Variants in NPM2 observed in about 807,000 individuals in gnomAD.
The protein encoded by NPM2 is nucleophosmin/nucleoplasmin 2.
In NPM2, 25 loss-of-function variants were observed where a neutral mutation model predicts 32.0. The ratio of observed to expected loss-of-function variants is 0.78; its 90% CI spans 0.57 to 1.09. NPM2 has a LOEUF of 1.09. Ranked by LOEUF, NPM2 falls within the 50% of genes least tolerant of loss-of-function variation. The pLI, the probability that NPM2 is intolerant of heterozygous loss-of-function variation, is 0.00. For synonymous variants in NPM2, 111 were observed against 94.2 expected, an observed-to-expected ratio of 1.18 and a Z score of -1.04; for missense variants, 282 against 259.9, an observed-to-expected ratio of 1.08 and a Z score of -0.58.
rs1800641391 is a variant in NPM2, at chr8:22,036,818, T to C, written c.*136T>C. ...GTTGCGGGGGCAACATGAGAGCCCC[T>C]CACCCCCAACTCTCCACTTTCAGGA... On this transcript the variant is annotated 3_prime_UTR_variant, in exon 10 of 10. Coordinates refer to ENST00000518119, the MANE Select transcript of NPM2 (RefSeq NM_001286680.2). 2 of 845,010 alleles carry C rather than the reference T, an allele frequency of 2.4e-6. No homozygotes were observed. The highest frequency in any genetic ancestry group is 4.0e-5 in the South Asian group (2 of 49,454). The allele number at this position is 845,010 out of a possible 1,614,324, so 52.3% of individuals were successfully genotyped here. A position where few individuals can be genotyped will look rare whatever the true frequency, so the allele number is the denominator to read the frequency against.
intron 8 of NPM2, among the ~76,000 whole-genome samples, chr8:22,034,831 G>A (rs1800567302): frequency 6.6e-6 from 1 of 152,256 alleles, no homozygotes; most frequent in Non-Finnish European, 1.5e-5. Flanking sequence ...CTCACGGCCA[G>A]GCTTGGTGGC....
intron 5 of NPM2, 74 bp downstream of exon 5, chr8:22,025,846 G>A: frequency 3.1e-6 from 5 of 1,596,826 alleles, no homozygotes. Context: ...GGACACACAC[G>A]AGGGTGCATT....
At chr8:22,033,018 G>T in intron 5 of NPM2, 112 bp from the exon 6 acceptor site, 1 of 766,774 alleles carries the variant, frequency 1.3e-6, no homozygotes. Context: ...CAGGGGCTGA[G>T]TAGTGTGTAG....
chr8:22,032,664 C>T (rs1200293109), intron 5 of NPM2, among the ~76,000 whole-genome samples: 8 of 152,210 alleles, frequency 5.3e-5, no homozygotes, highest in Middle Eastern at 3.4e-3. Flanking sequence ...GAGTTGCAGA[C>T]GGCAGCCTTC....
chr8:22,036,705 G>C lies in NPM2; in HGVS notation c.*23G>C, dbSNP rs931044155. 1.9e-5 allele frequency: 29 copies of C among 1,539,978 alleles called. No homozygotes were observed. Among genetic ancestry groups the C allele is most frequent in the Non-Finnish European group, 2.5e-5 (29 of 1,144,178 alleles). ...TGAGGAGCCACGCCTTGGGGGGCAC[G>C]GTGCAAAGTGGGCCTTCCCTGGGCT... On this transcript the variant is annotated 3_prime_UTR_variant, in exon 10 of 10. Transcript: ENST00000518119.
chr8:22,036,056 T>A (rs887724243), intron 8 of NPM2, among the ~76,000 whole-genome samples: 14 of 152,128 alleles, frequency 9.2e-5, no homozygotes, highest in African/African-American at 3.1e-4. Flanking sequence ...ATTTGCTATA[T>A]TTTGTACAAA....
At chr8:22,034,738 T>G (rs1800563616) in intron 8 of NPM2, among the ~76,000 whole-genome samples, 194 bp downstream of exon 8, 1 of 152,222 alleles carries the variant, frequency 6.6e-6, no homozygotes. Context: ...CGTTCTTATC[T>G]TGGGATCTAA....
chr8:22,025,010 C>T (rs1415226720), intron 2 of NPM2, 180 bp downstream of exon 2: 2 of 541,246 alleles, frequency 3.7e-6, no homozygotes, highest in Non-Finnish European at 6.4e-6. Flanking sequence ...CTGTCCTGTA[C>T]GCGCCCGGTC....
At chr8:22,027,652 G>A (rs1484553089) in intron 5 of NPM2, among the ~76,000 whole-genome samples, 6 of 150,634 alleles carry the variant, frequency 4.0e-5, no homozygotes, top group Non-Finnish European at 4.4e-5. Context: ...TATCACCCAG[G>A]CTGGAGTGCA....
At chr8:22,031,906 C>G (rs901838990) in intron 5 of NPM2, among the ~76,000 whole-genome samples, 4 of 152,108 alleles carry the variant, frequency 2.6e-5, no homozygotes, top group Admixed American at 2.6e-4. Flanking sequence ...TTTTTATGTA[C>G]GAGGATTCTT....
chr8:22,028,792 A>G (rs895773941), intron 5 of NPM2, among the ~76,000 whole-genome samples: 1 of 152,046 alleles, frequency 6.6e-6, no homozygotes, highest in Non-Finnish European at 1.5e-5. Flanking sequence ...GGTGTGTTTT[A>G]TGTCTTATGT....
At chr8:22,032,030 G>T (rs1244445235) in intron 5 of NPM2, among the ~76,000 whole-genome samples, 1 of 152,142 alleles carries the variant, frequency 6.6e-6, no homozygotes, top group Non-Finnish European at 1.5e-5. Context: ...TTTGAACTTA[G>T]AGTTTAGAAG....
chr8:22,029,404 A>G (rs1800361452), intron 5 of NPM2, among the ~76,000 whole-genome samples: 1 of 152,204 alleles, frequency 6.6e-6, no homozygotes, highest in East Asian at 1.9e-4. Flanking sequence ...TTGGCCTCCC[A>G]AAGTGCTGGA....
chr8:22,036,785 A>G lies in NPM2; in HGVS notation c.*103A>G, dbSNP rs574051933. 21 of 1,221,938 alleles carry G rather than the reference A, an allele frequency of 1.7e-5. No homozygotes were observed. Among genetic ancestry groups the G allele is most frequent in the Non-Finnish European group, 2.3e-5 (21 of 895,854 alleles). The allele number at this position is 1,221,938 out of a possible 1,614,324, so 75.7% of individuals were successfully genotyped here. A position where few individuals can be genotyped will look rare whatever the true frequency, so the allele number is the denominator to read the frequency against. On this transcript the variant is annotated 3_prime_UTR_variant, in exon 10 of 10. Coordinates refer to ENST00000518119, the MANE Select transcript of NPM2 (RefSeq NM_001286680.2). ...GCCCCTCCACCTGTGTCTGAATGCA[A>G]CAGGGGTGTTGCGGGGGCAACATGA...
chr8:22,026,009 C>T (rs888409470), intron 5 of NPM2, among the ~76,000 whole-genome samples: 3 of 152,072 alleles, frequency 2.0e-5, no homozygotes, highest in African/African-American at 4.8e-5. Flanking sequence ...CCCCAACTGC[C>T]GGGTCAAGGA....
Position 22,035,865 on chromosome 8 carries a change from G to A in NPM2, c.567-628G>A, listed in dbSNP as rs1004432500. Among the ~76,000 whole-genome samples, 4 of 148,776 alleles carry A rather than the reference G, an allele frequency of 2.7e-5. No individual in the cohort carries two copies. In the Admixed American group the frequency reaches 2.7e-4, roughly 10 times the overall value. On this transcript the variant is annotated intron_variant, in intron 8 of 9. Coordinates refer to ENST00000518119, the MANE Select transcript of NPM2 (RefSeq NM_001286680.2). ...GGAGAATCACTTAGACCCGGAATGCGAAGGATGCAGTGAACCAAGATCACA... is the reference window on the plus strand; with the variant it reads ...GGAGAATCACTTAGACCCGGAATGCAAAGGATGCAGTGAACCAAGATCACA...
intron 8 of NPM2, among the ~76,000 whole-genome samples, chr8:22,035,932 C>CA (rs71204531): frequency 0.025 from 2,040 of 80,268 alleles, 29 homozygotes; most frequent in Admixed American, 0.051. Flanking sequence ...GACTCCATCT[C>CA]AAAAAAAAAA....
intron 4 of NPM2, 22 bp downstream of exon 4, chr8:22,025,543 G>A: frequency 1.2e-6 from 2 of 1,613,790 alleles, no homozygotes; most frequent in Non-Finnish European, 1.7e-6. Flanking sequence ...CAAAAGAGGG[G>A]AGGAAGATGG....
chr8:22,025,864 C>G, intron 5 of NPM2, 92 bp downstream of exon 5: 1 of 1,552,736 alleles, frequency 6.4e-7, no homozygotes, highest in Non-Finnish European at 8.8e-7. Context: ...ATTCACCCTA[C>G]AGAAATGAGC....
Sources: allele counts gnomAD v4.1 joint callset (sites outside exome capture counted in the v4.1 genomes callset), GRCh38; gene constraint gnomAD v4.1.1; transcripts MANE v1.5; gene names NCBI Gene and HGNC (gene_info 2026-07-23, HGNC 2026-07-21).